DYNC1I1: variants seen among roughly 807,000 people sequenced by gnomAD.
DYNC1I1 encodes the protein dynein cytoplasmic 1 intermediate chain 1, also known as cytoplasmic dynein 1 intermediate chain 1.
In DYNC1I1, 43 loss-of-function variants were observed where a neutral mutation model predicts 86.6. That is an observed-to-expected ratio of 0.50 (90% CI 0.39 to 0.64). DYNC1I1 has a LOEUF of 0.64. Among genes scored for constraint, DYNC1I1 ranks in the 30% least tolerant of loss-of-function variants. The pLI is 0.00. For missense variants in DYNC1I1, 604 were observed against 788.8 expected (o/e 0.77, Z 2.81); for synonymous variants, 262 against 283.7 (o/e 0.92, Z 0.77).
chr7:96,027,669 C>CAA (rs1794713665), intron 10 of DYNC1I1, among the ~76,000 whole-genome samples: 1 of 152,136 alleles, frequency 6.6e-6, no homozygotes, highest in Non-Finnish European at 1.5e-5. Context: ...TCCTGGAAGT[C>CAA]TACATTAAGG....
intron 14 of DYNC1I1, among the ~76,000 whole-genome samples, chr7:96,064,222 C>A (rs971836290): frequency 4.0e-5 from 6 of 149,536 alleles, no homozygotes; most frequent in East Asian, 3.9e-4. Flanking sequence ...CTCTCTCTCT[C>A]TCTCTCTCTC....
intron 16 of DYNC1I1, among the ~76,000 whole-genome samples, chr7:96,096,093 A>G (rs1790997192): frequency 6.6e-6 from 1 of 152,148 alleles, no homozygotes; most frequent in Non-Finnish European, 1.5e-5. Context: ...TCATTTCCAG[A>G]ATTATATTCT....
chr7:96,028,851 C>A (rs1026615644), intron 11 of DYNC1I1, among the ~76,000 whole-genome samples: 4 of 152,122 alleles, frequency 2.6e-5, no homozygotes, highest in African/African-American at 9.7e-5. Flanking sequence ...ATCTCAAAAC[C>A]ATTACCCATA....
intron 6 of DYNC1I1, among the ~76,000 whole-genome samples, chr7:95,923,697 G>A: frequency 6.6e-6 from 1 of 152,128 alleles, no homozygotes; most frequent in East Asian, 1.9e-4. Context: ...ACAATGGTAT[G>A]TTGATTGGAA....
At chr7:95,807,367 T>C (rs1197758059) in intron 2 of DYNC1I1, among the ~76,000 whole-genome samples, 1 of 151,778 alleles carries the variant, frequency 6.6e-6, no homozygotes, top group Non-Finnish European at 1.5e-5. Context: ...CGTGAAGGAG[T>C]CTGGAGTTAA....
At chr7:95,893,031 T>G (rs1790785535) in intron 6 of DYNC1I1, among the ~76,000 whole-genome samples, 1 of 152,194 alleles carries the variant, frequency 6.6e-6, no homozygotes, top group Non-Finnish European at 1.5e-5. Context: ...TTTGTTTTCT[T>G]TTTTCTTCAT....
chr7:95,811,040 T>C (rs1210951262), intron 3 of DYNC1I1, among the ~76,000 whole-genome samples: 2 of 152,176 alleles, frequency 1.3e-5, no homozygotes, highest in African/African-American at 4.8e-5. Context: ...CTTTATTGTA[T>C]TTTGATTTGA....
intron 5 of DYNC1I1, among the ~76,000 whole-genome samples, chr7:95,842,795 A>G (rs987514546): frequency 2.0e-5 from 3 of 152,128 alleles, no homozygotes; most frequent in East Asian, 3.9e-4. Flanking sequence ...TTGATGCTCT[A>G]TGGGTGGAGT....
chr7:96,059,312 C>T (rs538696140), intron 14 of DYNC1I1, among the ~76,000 whole-genome samples: 6 of 143,834 alleles, frequency 4.2e-5, no homozygotes, highest in African/African-American at 1.0e-4. Flanking sequence ...ACAGTGAAAT[C>T]GAAAAAAAAA....
At chr7:95,970,987 C>A (rs1793154499) in intron 6 of DYNC1I1, among the ~76,000 whole-genome samples, 4 of 152,114 alleles carry the variant, frequency 2.6e-5, no homozygotes, top group Admixed American at 1.3e-4. Context: ...CTGAGACCCC[C>A]CTCTTACTAG....
rs6950751 is a variant in DYNC1I1, at chr7:95,985,171, T to A, written c.743+194T>A. On this transcript the variant is annotated intron_variant, in intron 8 of 16. Transcript: ENST00000447467. ...GCTTAGAGCGTCCTTGTAATTATCA[T>A]GTGCTTCTGTGAAATGCTTTTGAAC... Among the ~76,000 whole-genome samples, 11,770 of 152,262 alleles carry A rather than the reference T, an allele frequency of 0.077. 561 individuals carry two copies. Among genetic ancestry groups the A allele is most frequent in the Non-Finnish European group, 0.1 (7,028 of 68,000 alleles).
rs369715636 is a variant in DYNC1I1 at position 96,013,448 on chromosome 7, T to TTTTTG, written c.970-14703_970-14699dup. 8.3e-3 allele frequency among the ~76,000 whole-genome samples: 1,255 copies of TTTTTG among 152,108 alleles called. 18 individuals are homozygous for TTTTTG. The highest frequency in any genetic ancestry group is 0.028 in the African/African-American group (1,149 of 41,470). On this transcript the variant is annotated intron_variant, in intron 10 of 16. Coordinates refer to ENST00000447467, the MANE Select transcript of DYNC1I1 (RefSeq NM_001135556.2). Reference sequence around the variant, plus strand: ...AAGCCACTAAGTGTGTCATAATTTGTTTTTGTTTTGTTTTGTTTTGTTTTG... The same window carrying TTTTTG: ...AAGCCACTAAGTGTGTCATAATTTGTTTTTGTTTTGTTTTGTTTTGTTTTGTTTTG...
chr7:95,955,472 A>C (rs1049004743), intron 6 of DYNC1I1, among the ~76,000 whole-genome samples: 3 of 151,976 alleles, frequency 2.0e-5, no homozygotes, highest in Non-Finnish European at 4.4e-5. Context: ...CACTTAGCTG[A>C]TTTTTAATTT....
At chr7:96,089,155 T>TA (rs11285708) in intron 16 of DYNC1I1, among the ~76,000 whole-genome samples, 11 of 148,044 alleles carry the variant, frequency 7.4e-5, no homozygotes, top group Non-Finnish European at 1.3e-4. Flanking sequence ...TAGTATGATT[T>TA]AAAAAAAAAA....
chr7:96,083,202 A>G (rs1360687966), intron 16 of DYNC1I1, among the ~76,000 whole-genome samples: 1 of 152,192 alleles, frequency 6.6e-6, no homozygotes, highest in Non-Finnish European at 1.5e-5. Flanking sequence ...AGAGTTCTTT[A>G]GGTATTGTTT....
chr7:96,034,936 A>G (rs1445368679), intron 12 of DYNC1I1, among the ~76,000 whole-genome samples: 1 of 152,188 alleles, frequency 6.6e-6, no homozygotes, highest in Non-Finnish European at 1.5e-5. Flanking sequence ...GTTATAATTG[A>G]TTATTCTTTT....
At chr7:95,948,055 T>C (rs1158067744) in intron 6 of DYNC1I1, among the ~76,000 whole-genome samples, 1 of 137,984 alleles carries the variant, frequency 7.2e-6, no homozygotes. Flanking sequence ...AGAGCTGAAA[T>C]CAATGCAAAG....
chr7:96,105,290 T>C (rs529943733), intron 16 of DYNC1I1, among the ~76,000 whole-genome samples: 34 of 152,118 alleles, frequency 2.2e-4, no homozygotes, highest in African/African-American at 7.7e-4. Context: ...TCTTTTCCAA[T>C]CTTATCTTTT....
chr7:95,850,377 C>A lies in DYNC1I1; in HGVS notation c.375-19506C>A, dbSNP rs190809486. ...TGGCCTTTTTATGTGGAGGTGCATTCCTTCTATACCTAATTTATTGAGGGT... is the reference window on the plus strand; with the variant it reads ...TGGCCTTTTTATGTGGAGGTGCATTACTTCTATACCTAATTTATTGAGGGT... On this transcript the variant is annotated intron_variant, in intron 5 of 16. Coordinates refer to ENST00000447467, the MANE Select transcript of DYNC1I1 (RefSeq NM_001135556.2). 5.9e-5 allele frequency among the ~76,000 whole-genome samples: 9 copies of A among 152,184 alleles called. No individual in the cohort carries two copies. In the South Asian group the frequency reaches 1.2e-3, roughly 21 times the overall value.
Sources: allele counts gnomAD v4.1 joint callset (sites outside exome capture counted in the v4.1 genomes callset), GRCh38; gene constraint gnomAD v4.1.1; transcripts MANE v1.5; gene names NCBI Gene and HGNC (gene_info 2026-07-23, HGNC 2026-07-21).